Variants in NCOA6 observed in about 807,000 individuals in gnomAD.
NCOA6 encodes the protein nuclear receptor coactivator 6.
In NCOA6, 49 loss-of-function variants were observed where a neutral mutation model predicts 171.4. The ratio of observed to expected loss-of-function variants is 0.29; its 90% CI spans 0.23 to 0.36. The LOEUF (loss-of-function observed/expected upper bound fraction) is 0.36, where lower values mean the gene tolerates loss of function less well. Ranked by LOEUF, NCOA6 falls within the 10% of genes least tolerant of loss-of-function variation. NCOA6 has a pLI of 1.00. For synonymous variants in NCOA6, 910 were observed against 927.5 expected (o/e 0.98, Z 0.34); for missense variants, 2,248 against 2,554.5 (o/e 0.88, Z 2.59).
intron 14 of NCOA6, among the ~76,000 whole-genome samples, chr20:34,723,551 C>T (rs1048015937): frequency 1.3e-5 from 2 of 152,158 alleles, no homozygotes; most frequent in African/African-American, 4.8e-5. Flanking sequence ...ACTTAGCACC[C>T]CTCCATGCAA....
intron 6 of NCOA6, 41 bp downstream of exon 6, chr20:34,758,764 A>G: frequency 6.2e-7 from 1 of 1,604,184 alleles, no homozygotes; most frequent in Non-Finnish European, 8.5e-7. Flanking sequence ...TCTGTGCAGA[A>G]AGTTTCAGAC....
At chr20:34,768,330 C>A in intron 5 of NCOA6, 134 bp downstream of exon 5, 1 of 1,204,068 alleles carries the variant, frequency 8.3e-7, no homozygotes, top group East Asian at 2.4e-5. Context: ...GGACTCATGT[C>A]TAGCTTTCCT....
intron 14 of NCOA6, among the ~76,000 whole-genome samples, chr20:34,719,524 G>C (rs1004067788): frequency 1.3e-5 from 2 of 151,862 alleles, no homozygotes; most frequent in Non-Finnish European, 2.9e-5. Flanking sequence ...CCAGCTATTC[G>C]GGAGGCTGAG....
chr20:34,812,991 C>G (rs919782572), intron 1 of NCOA6, among the ~76,000 whole-genome samples: 4 of 152,006 alleles, frequency 2.6e-5, no homozygotes, highest in Non-Finnish European at 5.9e-5. Flanking sequence ...GAAACCCTGT[C>G]TCTATTAAAA....
chr20:34,758,841 G>A lies in NCOA6; in HGVS notation c.607C>T (p.Leu203=). The change falls in exon 6 of 15, where the codon CTG becomes TTG. Residue 203 remains leucine, a synonymous_variant. Coordinates refer to ENST00000359003, the MANE Select transcript of NCOA6 (RefSeq NM_014071.5). Reference sequence around the variant, plus strand: ...GCAGGGCGAGGAGTCCTGGGCTGCAGCTCTGGATTGGGGCCTGGTGCCATC... The same window carrying A: ...GCAGGGCGAGGAGTCCTGGGCTGCAACTCTGGATTGGGGCCTGGTGCCATC... ...SMMAPGPNPE[L]QPRTPRPASQ... 1.2e-6 allele frequency: 2 copies of A among 1,613,230 alleles called. No individual in the cohort carries two copies. Among genetic ancestry groups the A allele is most frequent in the East Asian group, 4.5e-5 (2 of 44,874 alleles).
chr20:34,756,019 G>C (rs2076630424), intron 7 of NCOA6, among the ~76,000 whole-genome samples: 1 of 152,218 alleles, frequency 6.6e-6, no homozygotes, highest in African/African-American at 2.4e-5. Context: ...TTACAGGCGT[G>C]AGCCACTGCG....
At chr20:34,761,342 C>T (rs1488189451) in intron 5 of NCOA6, among the ~76,000 whole-genome samples, 2 of 152,280 alleles carry the variant, frequency 1.3e-5, no homozygotes, top group East Asian at 3.9e-4. Context: ...ACATCTCACA[C>T]ATTTCAGTAT....
intron 1 of NCOA6, among the ~76,000 whole-genome samples, chr20:34,809,105 C>T (rs573794544): frequency 1.1e-4 from 16 of 152,274 alleles, no homozygotes; most frequent in African/African-American, 3.6e-4. Context: ...TGGATTTATC[C>T]ATGCCTCCAT....
At chr20:34,768,726 A>G (rs1380741331) in intron 4 of NCOA6, 140 bp from the exon 5 acceptor site, 11 of 899,822 alleles carry the variant, frequency 1.2e-5, no homozygotes, top group African/African-American at 1.7e-5. Context: ...TGGTGGGTTC[A>G]ATGTAGATGG....
intron 1 of NCOA6, among the ~76,000 whole-genome samples, chr20:34,805,403 G>C (rs1404816473): frequency 6.6e-6 from 1 of 151,976 alleles, no homozygotes; most frequent in African/African-American, 2.4e-5. Flanking sequence ...AAGAACATAT[G>C]GCATTTATCT....
intron 2 of NCOA6, among the ~76,000 whole-genome samples, chr20:34,784,607 C>T (rs1444995677): frequency 2.0e-5 from 3 of 151,994 alleles, no homozygotes; most frequent in African/African-American, 4.8e-5. Flanking sequence ...ACTGTGAGAC[C>T]TTGTCTCTAC....
rs747151159 is a variant in NCOA6 at position 34,741,441 on chromosome 20, G to A, written c.4815C>T (p.Pro1605=). Residue 1605 remains proline, a synonymous_variant, in exon 11 of 15, where the codon CCC becomes CCT. Transcript: ENST00000359003. The part of the protein sequence containing the change: ...NQITVFVTSN[P]ITTSANTSAA... ...CTGATGTGTTAGCTGAAGTTGTGAT[G>A]GGATTGGAAGTGACAAATACAGTTA... 12 of 1,614,204 alleles carry A rather than the reference G, an allele frequency of 7.4e-6. No individual in the cohort carries two copies. Among genetic ancestry groups the A allele is most frequent in the Non-Finnish European group, 9.3e-6 (11 of 1,180,030 alleles).
chr20:34,752,299 T>G (rs1261045668), intron 8 of NCOA6, among the ~76,000 whole-genome samples: 2 of 152,360 alleles, frequency 1.3e-5, no homozygotes, highest in South Asian at 4.1e-4. Flanking sequence ...GAAGATTTTC[T>G]AAACCAGCCT....
chr20:34,780,242 G>C (rs970271210), intron 3 of NCOA6, among the ~76,000 whole-genome samples: 1 of 152,190 alleles, frequency 6.6e-6, no homozygotes, highest in Non-Finnish European at 1.5e-5. Flanking sequence ...ATTCATAACA[G>C]TTATATCTTA....
In NCOA6 at chr20:34,757,703, A is replaced by G; in HGVS notation, c.1045T>C (p.Leu349=). 1 of 1,614,144 alleles carries G rather than the reference A, an allele frequency of 6.2e-7. No homozygotes were observed. The highest frequency in any genetic ancestry group is 1.1e-5 in the South Asian group (1 of 91,080). The change falls in exon 7 of 15, where the codon TTG becomes CTG. Residue 349 remains leucine, a synonymous_variant. Coordinates refer to ENST00000359003, the MANE Select transcript of NCOA6 (RefSeq NM_014071.5). The part of the protein sequence containing the change: ...TANQGWKKAP[L]PGPMQQQLQA... ...AGTTGCTGTTGCATTGGGCCGGGCA[A>G]GGGAGCCTTCTTCCACCCTTGGTTT...
intron 2 of NCOA6, among the ~76,000 whole-genome samples, chr20:34,788,780 T>G (rs1014896579): frequency 3.9e-5 from 6 of 152,178 alleles, no homozygotes; most frequent in African/African-American, 1.4e-4. Context: ...ACCCCGTCTC[T>G]ACTAAAAATA....
rs1253374035 is a variant in NCOA6 at position 34,782,245 on chromosome 20, T to C, written c.111A>G (p.Thr37=). The C allele has an allele frequency of 2.5e-6, 4 of 1,612,622 alleles. No individual in the cohort carries two copies. Among genetic ancestry groups the C allele is most frequent in the South Asian group, 1.1e-5 (1 of 91,008 alleles). The change falls in exon 3 of 15, where the codon ACA becomes ACG. Residue 37 remains threonine (T), a synonymous_variant. Transcript: ENST00000359003. ...AATCCTCCAAAATACTATCACTTTT[T>C]GTGTCATCATCTTCTAGTCCAGAGT... ...DFDSGLEDDD[T]KSDSILEDST...
intron 9 of NCOA6, among the ~76,000 whole-genome samples, chr20:34,748,554 A>T (rs1330136194): frequency 1.3e-5 from 2 of 152,084 alleles, no homozygotes; most frequent in African/African-American, 4.8e-5. Flanking sequence ...TTTTTTTATG[A>T]TTAAAGGCAC....
chr20:34,782,054 G>C, intron 3 of NCOA6, 67 bp downstream of exon 3: 5 of 1,136,938 alleles, frequency 4.4e-6, no homozygotes, highest in Non-Finnish European at 3.7e-6. Context: ...TAAAACTCAA[G>C]ATAACCATGG....
Sources: gnomAD v4.1 joint callset for allele counts (sites outside exome capture counted in the v4.1 genomes callset) on GRCh38, gnomAD v4.1.1 for gene constraint, MANE v1.5 for transcripts, NCBI Gene and HGNC (gene_info 2026-07-23, HGNC 2026-07-21) for gene names.